E2F8: variants seen among roughly 807,000 people sequenced by gnomAD.
E2F8 encodes transcription factor E2F8.
A neutral mutation model predicts 80.8 loss-of-function variants in E2F8; 35 were observed. That is an observed-to-expected ratio of 0.43 (90% CI 0.33 to 0.57). The LOEUF is 0.57. Among genes scored for constraint, E2F8 ranks in the 20% least tolerant of loss-of-function variants. The pLI is 0.04. For missense variants in E2F8, 975 were observed against 1,056.2 expected (o/e 0.92, Z 1.07); for synonymous variants, 386 against 395.0 (o/e 0.98, Z 0.27).
In E2F8 at chr11:19,224,467, ATATGTG is replaced by A. The variant is rs971528476; in HGVS notation, c.*185_*190del. The A allele has an allele frequency of 9.1e-5, 42 of 460,422 alleles. No homozygotes were observed. In the African/African-American group the frequency reaches 1.1e-3, roughly 12 times the overall value. The allele number at this position is 460,422 out of a possible 1,614,324, so 28.5% of individuals were successfully genotyped here. A position where few individuals can be genotyped will look rare whatever the true frequency, so the allele number is the denominator to read the frequency against. ...AAGCTAAACTTAGCTTTATACAAAT[ATATGTG>A]TGTGTGTGTGTGTGTGTGTGTGTGT... On this transcript the variant is annotated 3_prime_UTR_variant, in exon 13 of 13. Coordinates refer to ENST00000250024, the MANE Select transcript of E2F8 (RefSeq NM_024680.4).
chr11:19,241,339 GCCA>G, upstream of E2F8: 1 of 156,164 alleles, frequency 6.4e-6, no homozygotes, highest in Non-Finnish European at 1.4e-5. This position sits in a 1 kb window ranked among gnomAD's most constrained non-coding sequence, Gnocchi z 4.5. Context: ...CGCCGCCGCC[GCCA>G]CCCTCCCGAG....
At position 19,229,134 on chromosome 11, in the gene E2F8, C is replaced by T. The variant is rs776686524; in HGVS notation, c.1893+320G>A. Among the ~76,000 whole-genome samples the T allele has an allele frequency of 5.9e-5, 9 of 152,132 alleles. No individual in the cohort carries two copies. Among genetic ancestry groups the T allele is most frequent in the Non-Finnish European group, 8.8e-5 (6 of 68,020 alleles). On this transcript the variant is annotated intron_variant, in intron 10 of 12. Transcript: ENST00000250024. The surrounding 1 kb of genome is among the most constrained non-coding windows in gnomAD (Gnocchi z 4.3). ...GCATCCACACGTTCATTTGGGGTTA[C>T]GTCTGCTTGTAAATTATTTAAGACT...
Position 19,240,132 on chromosome 11 carries a change from C to A in E2F8, c.-11G>T. The stretch of plus-strand genomic sequence containing the variant: ...CTTTTCGTTCTCCATTCTGTAAATT[C>A]CTCATACATTTAGAGTTTAAAAATG... On this transcript the variant is annotated 5_prime_UTR_variant, in exon 2 of 13. An upstream open reading frame in the 5' UTR gains an earlier in-frame stop. Transcript: ENST00000250024. The A allele has an allele frequency of 6.6e-7, 1 of 1,508,714 alleles. No homozygotes were observed. 93.5% of individuals were successfully genotyped at this position (1,508,714 alleles called of 1,614,324 possible).
In E2F8 at chr11:19,229,805, C is replaced by G. The variant is rs750080953; in HGVS notation, c.1542G>C (p.Gln514His). ...TGGCATAGGATGGGCCTGAAGGGGCCTGAGGTAGGATCAGGGGCACTGCTG... is the reference window on the plus strand; with the variant it reads ...TGGCATAGGATGGGCCTGAAGGGGCGTGAGGTAGGATCAGGGGCACTGCTG... ...LSSAVPLILP[Q>H]APSGPSYAIY... The change falls in exon 10 of 13, where the codon CAG becomes CAC. Residue 514 changes from glutamine (Q) to histidine (H), a missense_variant. Transcript: ENST00000250024. This position sits in a 1 kb window ranked among gnomAD's most constrained non-coding sequence, Gnocchi z 4.3. 1.2e-6 allele frequency: 2 copies of G among 1,613,840 alleles called. No individual in the cohort carries two copies. Among genetic ancestry groups the G allele is most frequent in the Non-Finnish European group, 1.7e-6 (2 of 1,179,886 alleles).
At chr11:19,231,417 C>G in intron 7 of E2F8, among the ~76,000 whole-genome samples, 1 of 152,202 alleles carries the variant, frequency 6.6e-6, no homozygotes, top group East Asian at 1.9e-4. Flanking sequence ...TTGTTCTTCC[C>G]ATTTCACCAA....
chr11:19,230,166 C>T, intron 9 of E2F8, 75 bp downstream of exon 9: 2 of 1,529,914 alleles, frequency 1.3e-6, no homozygotes, highest in Non-Finnish European at 1.8e-6. Flanking sequence ...GGCTTCTTCT[C>T]ACATAAAATA....
chr11:19,235,133 G>T, intron 4 of E2F8, 75 bp from the exon 5 acceptor site: 2 of 1,342,138 alleles, frequency 1.5e-6, no homozygotes, highest in South Asian at 1.5e-5. Context: ...TCTTCCATTG[G>T]TTTATTAGTC....
chr11:19,225,748 G>A lies in E2F8; in HGVS notation c.2010C>T (p.Tyr670=), dbSNP rs768488590. ...SSALSPNHRI[Y]SSPIAGVIPV... is the part of the protein sequence containing the mutation. Reference sequence around the variant, plus strand: ...TGCACTCACCTGCAATTGGGGAGCTGTAAATCCTGTGGTTTGGGGAAAGAG... The same window carrying A: ...TGCACTCACCTGCAATTGGGGAGCTATAAATCCTGTGGTTTGGGGAAAGAG... Residue 670 remains tyrosine, a synonymous_variant, in exon 11 of 13, where the codon TAC becomes TAT. Coordinates refer to ENST00000250024, the MANE Select transcript of E2F8 (RefSeq NM_024680.4). The A allele has an allele frequency of 7.4e-6, 12 of 1,614,188 alleles. No homozygotes were observed. The East Asian group carries it at 1.6e-4, about 21-fold the overall frequency.
In E2F8 at chr11:19,234,757, C is replaced by T; in HGVS notation, c.753G>A (p.Val251=). The part of the protein sequence containing the change: ...PDMCFVELPG[V]EFRAASVNSR... The stretch of plus-strand genomic sequence containing the variant: ...ACCATCTCTCACCTGCCCGAAATTC[C>T]ACTCCAGGGAGTTCCACAAAACACA... Residue 251 remains valine, a synonymous_variant, in exon 5 of 13, where the codon GTG becomes GTA. Coordinates refer to ENST00000250024, the MANE Select transcript of E2F8 (RefSeq NM_024680.4). 1.9e-6 allele frequency: 3 copies of T among 1,609,956 alleles called. No individual in the cohort carries two copies. Among genetic ancestry groups the T allele is most frequent in the Non-Finnish European group, 2.5e-6 (3 of 1,177,416 alleles).
intron 2 of E2F8, among the ~76,000 whole-genome samples, chr11:19,239,447 C>G (rs1161722543): frequency 6.6e-6 from 1 of 152,130 alleles, no homozygotes; most frequent in Non-Finnish European, 1.5e-5. Context: ...AGGAAATATG[C>G]ATGTAAGTTC....
rs1851546865 is a variant in E2F8 at position 19,237,404 on chromosome 11, A to G, written c.361T>C (p.Leu121=). 6.2e-7 allele frequency: 1 copy of G among 1,614,044 alleles called. No homozygotes were observed. Among genetic ancestry groups the G allele is most frequent in the African/African-American group, 1.3e-5 (1 of 74,936 alleles). Residue 121 remains leucine, a synonymous_variant, in exon 4 of 13, where the codon TTG becomes CTG. Transcript: ENST00000250024. ...TATCGTGCTAAGAACTTATGACACA[A>G]TAATCCTAAACTTTTCTCTTTTCGA... The part of the protein sequence containing the change: ...PSRKEKSLGL[L]CHKFLARYPN...
At chr11:19,224,878 C>T (rs762215349) in intron 12 of E2F8, 38 bp from the exon 13 acceptor site, 1 of 1,609,228 alleles carries the variant, frequency 6.2e-7, no homozygotes, top group Non-Finnish European at 8.5e-7. Flanking sequence ...AGAAGTCAAC[C>T]ACACACAGGT....
In E2F8 at chr11:19,232,336, G is replaced by A. The variant is rs1167032743; in HGVS notation, c.964C>T (p.Leu322=). 1.2e-6 allele frequency: 2 copies of A among 1,613,930 alleles called. No individual in the cohort carries two copies. Among genetic ancestry groups the A allele is most frequent in the East Asian group, 4.5e-5 (2 of 44,884 alleles). Residue 322 remains leucine (L), a synonymous_variant, in exon 7 of 13, where the codon CTG becomes TTG. Transcript: ENST00000250024. ...TTCTTGATAAGATCCAGGCTACTCAGAACATTAGCTATATCATACAACCTC... is the reference window on the plus strand; with the variant it reads ...TTCTTGATAAGATCCAGGCTACTCAAAACATTAGCTATATCATACAACCTC... ...IRRLYDIANV[L]SSLDLIKKVH...
intron 4 of E2F8, 28 bp from the exon 5 acceptor site, chr11:19,235,086 C>G (rs369188994): frequency 1.9e-6 from 3 of 1,561,298 alleles, no homozygotes; most frequent in Non-Finnish European, 2.6e-6. Context: ...TTGTGTGTTA[C>G]AGATTTTTGT....
intron 4 of E2F8, 112 bp downstream of exon 4, chr11:19,237,202 G>T: frequency 9.5e-7 from 1 of 1,057,308 alleles, no homozygotes; most frequent in Non-Finnish European, 1.4e-6. Context: ...TTCCATGCCG[G>T]CTTATTTGTG....
Position 19,229,586 on chromosome 11 carries a change from C to T in E2F8, c.1761G>A (p.Glu587=). The T allele has an allele frequency of 1.2e-6, 2 of 1,614,224 alleles. No individual in the cohort carries two copies. The highest frequency in any genetic ancestry group is 1.7e-6 in the Non-Finnish European group (2 of 1,180,038). Residue 587 remains glutamate, a synonymous_variant, in exon 10 of 13, where the codon GAG becomes GAA. Coordinates refer to ENST00000250024, the MANE Select transcript of E2F8 (RefSeq NM_024680.4). The surrounding 1 kb of genome is among the most constrained non-coding windows in gnomAD (Gnocchi z 4.3). ...TGGTTCGGCTCTTTGCCCCTTGCCT[C>T]TCTGGTGCTGGCAGCAAGCTTCCAG... is the stretch of plus-strand genomic sequence containing the variant. ...TRPGSLLPAP[E]RQGAKSRTRE...
Position 19,229,390 on chromosome 11 carries a change from A to G in E2F8, c.1893+64T>C. ...TGCTCTTCGGTAAATTTCACAAGCC[A>G]CCAATCTTCCTGTAATAGACTAGGG... is the stretch of plus-strand genomic sequence containing the variant. On this transcript the variant is annotated intron_variant, in intron 10 of 12. Transcript: ENST00000250024. The surrounding 1 kb of genome is among the most constrained non-coding windows in gnomAD (Gnocchi z 4.3). 1 of 1,528,664 alleles carries G rather than the reference A, an allele frequency of 6.5e-7. No homozygotes were observed. The highest frequency in any genetic ancestry group is 8.8e-7 in the Non-Finnish European group (1 of 1,140,588). The allele number at this position is 1,528,664 out of a possible 1,614,324, so 94.7% of individuals were successfully genotyped here.
At chr11:19,236,549 T>A (rs2133577372) in intron 4 of E2F8, among the ~76,000 whole-genome samples, 1 of 152,320 alleles carries the variant, frequency 6.6e-6, no homozygotes, top group South Asian at 2.1e-4. Context: ...TTGCTGAATA[T>A]CCTACCCAGC....
rs780620679 is a variant in E2F8, at chr11:19,225,597, G to A, written c.2045C>T (p.Ser682Leu). Reference protein sequence around the residue: ...SPIAGVIPVTSSELTAVNFPS... With the variant: ...SPIAGVIPVTLSELTAVNFPS... ...AAAATTAACAGCAGTGAGTTCAGATGATGTCACTGGAATAACACCTGGAAG... is the reference window on the plus strand; with the variant it reads ...AAAATTAACAGCAGTGAGTTCAGATAATGTCACTGGAATAACACCTGGAAG... The change falls in exon 12 of 13, where the codon TCA becomes TTA. Residue 682 changes from serine to leucine, a missense_variant. By Grantham distance (145) the Ser-to-Leu change is moderately radical. Coordinates refer to ENST00000250024, the MANE Select transcript of E2F8 (RefSeq NM_024680.4). 3.1e-6 allele frequency: 5 copies of A among 1,613,826 alleles called. No individual in the cohort carries two copies. The highest frequency in any genetic ancestry group is 4.2e-6 in the Non-Finnish European group (5 of 1,179,690).
Sources: gnomAD v4.1 joint callset for allele counts (sites outside exome capture counted in the v4.1 genomes callset) on GRCh38, gnomAD v4.1.1 for gene constraint, Gnocchi (gnomAD v3.1) non-coding constraint, MANE v1.5 for transcripts, NCBI Gene and HGNC (gene_info 2026-07-23, HGNC 2026-07-21) for gene names.